Variants in DLGAP3 observed in about 807,000 individuals in gnomAD.
DLGAP3 encodes DLG associated protein 3.
In DLGAP3, 17 loss-of-function variants were observed where a neutral mutation model predicts 81.2. That is an observed-to-expected ratio of 0.21 (90% confidence interval 0.14 to 0.31). The LOEUF (loss-of-function observed/expected upper bound fraction) is 0.31, where lower values mean the gene tolerates loss of function less well. Ranked by LOEUF, DLGAP3 falls within the 10% of genes least tolerant of loss-of-function variation. DLGAP3 has a pLI of 1.00. For missense variants in DLGAP3, 1,124 were observed against 1,388.0 expected (o/e 0.81, Z 3.02); for synonymous variants, 577 against 587.4 (o/e 0.98, Z 0.26).
intron 1 of DLGAP3, among the ~76,000 whole-genome samples, chr1:34,925,747 C>T (rs2148422739): frequency 6.6e-6 from 1 of 152,234 alleles, no homozygotes; most frequent in East Asian, 1.9e-4. Context: ...GAAGCAGGGG[C>T]CTTTGGGAGC....
At chr1:34,886,802 T>TACTACATATATACTACATATATAC (rs1639238805) in intron 5 of DLGAP3, among the ~76,000 whole-genome samples, 1 of 150,938 alleles carries the variant, frequency 6.6e-6, no homozygotes, top group African/African-American at 2.4e-5. Flanking sequence ...ACTATATATA[T>TACTACATATATACTACATATATAC]ACTACATATA....
Position 34,900,098 on chromosome 1 carries a change from C to G in DLGAP3, c.1283G>C (p.Arg428Pro). 6.2e-7 allele frequency: 1 copy of G among 1,613,718 alleles called. No homozygotes were observed. The highest frequency in any genetic ancestry group is 1.1e-5 in the South Asian group (1 of 91,080). Residue 428 changes from arginine to proline, a missense_variant, in exon 4 of 12, where the codon CGC becomes CCC. Arg to Pro is a moderately radical substitution (Grantham distance 103). Coordinates refer to ENST00000373347, the MANE Select transcript of DLGAP3 (RefSeq NM_001080418.3). The surrounding 1 kb of genome is among the most constrained non-coding windows in gnomAD (Gnocchi z 5.6). ...KAVARRFTTR[R>P]SSSVDQARIN... ...CCTGGCCTGGTCCACGCTGGAGGAG[C>G]GACGGGTGGTGAAGCGTCGGGCGAC...
At chr1:34,905,516 C>A in intron 2 of DLGAP3, 82 bp from the exon 3 acceptor site, 1 of 936,172 alleles carries the variant, frequency 1.1e-6, no homozygotes. Flanking sequence ...TCCTTGTATC[C>A]CTTTAGGTAA....
At chr1:34,905,488 A>G in intron 2 of DLGAP3, 54 bp from the exon 3 acceptor site, 2 of 1,265,118 alleles carry the variant, frequency 1.6e-6, no homozygotes, top group Non-Finnish European at 2.1e-6. Flanking sequence ...TTCACCTAAA[A>G]CCATCTTTTA....
intron 3 of DLGAP3, among the ~76,000 whole-genome samples, chr1:34,903,592 G>A (rs558241782): frequency 6.6e-6 from 1 of 152,046 alleles, no homozygotes; most frequent in Admixed American, 6.6e-5. Context: ...CCATAAATGT[G>A]GTAAGACAAG....
intron 5 of DLGAP3, among the ~76,000 whole-genome samples, chr1:34,898,912 G>T (rs932104905): frequency 6.2e-5 from 9 of 145,836 alleles, no homozygotes; most frequent in African/African-American, 2.2e-4. Flanking sequence ...AAAAACCCCT[G>T]CAAAATAACT....
At chr1:34,899,868 A>G in intron 4 of DLGAP3, 127 bp from the exon 5 acceptor site, 1 of 1,006,186 alleles carries the variant, frequency 9.9e-7, no homozygotes, top group South Asian at 1.4e-5. Context: ...ATCCCTTAGG[A>G]GACCCTGGGT....
rs202022852 is a variant in DLGAP3 at position 34,899,734 on chromosome 1, C to T, written c.1321G>A (p.Val441Ile). Residue 441 changes from valine to isoleucine, a missense_variant, in exon 5 of 12, where the codon GTC (valine) becomes ATC (isoleucine). Physicochemically the swap from Val to Ile is conservative, Grantham distance 29. This residue lies in a region of DLGAP3 where 357 missense variants were observed against 408.8 expected (regional missense o/e 0.87). Coordinates refer to ENST00000373347, the MANE Select transcript of DLGAP3 (RefSeq NM_001080418.3). The stretch of plus-strand genomic sequence containing the variant: ...CTCCGGGGGTGGATCCGGGGTGGGA[C>T]ACAGCAGCTGGAAAAGGGCAAAATT... ...SVDQARINCC[V>I]PPRIHPRSSI... is the part of the protein sequence containing the mutation. 61 of 1,613,876 alleles carry T rather than the reference C, an allele frequency of 3.8e-5. No homozygotes were observed. The African/African-American group carries it at 7.1e-4, about 19-fold the overall frequency.
chr1:34,885,831 G>A (rs889403056), intron 6 of DLGAP3, 40 bp from the exon 7 acceptor site: 2 of 1,381,002 alleles, frequency 1.4e-6, no homozygotes, highest in East Asian at 2.6e-5. Flanking sequence ...GGTGAGGCTC[G>A]CGGCCCTGCC....
At chr1:34,885,208 C>A in intron 7 of DLGAP3, 145 bp from the exon 8 acceptor site, 1 of 868,406 alleles carries the variant, frequency 1.2e-6, no homozygotes, top group Non-Finnish European at 1.8e-6. Context: ...GAGACCCAGG[C>A]GGTCGGTCAC....
intron 2 of DLGAP3, among the ~76,000 whole-genome samples, chr1:34,906,831 A>G (rs1017901949): frequency 6.6e-6 from 1 of 152,204 alleles, no homozygotes; most frequent in Non-Finnish European, 1.5e-5. Flanking sequence ...GCTACAGGAC[A>G]GAGAGGTCAG....
chr1:34,913,570 A>G (rs537918772), intron 1 of DLGAP3, among the ~76,000 whole-genome samples: 15 of 152,000 alleles, frequency 9.9e-5, no homozygotes, highest in Admixed American at 2.0e-4. Flanking sequence ...CTTTGAAATT[A>G]TTTTCTTTGT....
In DLGAP3 at chr1:34,867,906, C is replaced by T. The variant is rs1329314562; in HGVS notation, c.2486-279G>A. ...CCTTTCTCCCTCCCGTATCAGAGAA[C>T]AGACGGAAACCAGCCCCAGCCTAGC... On this transcript the variant is annotated intron_variant, in intron 9 of 11. Transcript: ENST00000373347. This position sits in a 1 kb window ranked among gnomAD's most constrained non-coding sequence, Gnocchi z 4.3. Among the ~76,000 whole-genome samples the T allele has an allele frequency of 6.6e-6, 1 of 152,160 alleles. No homozygotes were observed. Among genetic ancestry groups the T allele is most frequent in the African/African-American group, 2.4e-5 (1 of 41,418 alleles).
In DLGAP3 at chr1:34,885,460, C is replaced by A. The variant is rs1306517335; in HGVS notation, c.1914+18G>T. 2 of 1,604,080 alleles carry A rather than the reference C, an allele frequency of 1.2e-6. No individual in the cohort carries two copies. The highest frequency in any genetic ancestry group is 1.7e-5 in the Admixed American group (1 of 59,874). ...CGACCAGGGTCAGAGCCCTCGTGGG[C>A]GCCTCCCCGTTCCATACCTGCACCC... On this transcript the variant is annotated intron_variant, in intron 7 of 11. Transcript: ENST00000373347.
chr1:34,885,334 G>A (rs1639203591), intron 7 of DLGAP3, 144 bp downstream of exon 7: 3 of 955,716 alleles, frequency 3.1e-6, no homozygotes, highest in African/African-American at 3.2e-5. Flanking sequence ...GAGCAGCCCC[G>A]TCGATGTCCA....
At chr1:34,886,942 T>TA (rs1639242276) in intron 5 of DLGAP3, among the ~76,000 whole-genome samples, 4 of 133,440 alleles carry the variant, frequency 3.0e-5, no homozygotes, top group Admixed American at 8.1e-5. Flanking sequence ...TCCCCCACCT[T>TA]CTTTTTTTTT....
Position 34,867,421 on chromosome 1 carries a change from G to T in DLGAP3, c.2577+115C>A. 9.2e-7 allele frequency: 1 copy of T among 1,087,274 alleles called. No individual in the cohort carries two copies. The highest frequency in any genetic ancestry group is 1.4e-6 in the Non-Finnish European group (1 of 702,796). 67.4% of individuals were successfully genotyped at this position (1,087,274 alleles called of 1,614,324 possible). On this transcript the variant is annotated intron_variant, in intron 10 of 11. Coordinates refer to ENST00000373347, the MANE Select transcript of DLGAP3 (RefSeq NM_001080418.3). The surrounding 1 kb of genome is among the most constrained non-coding windows in gnomAD (Gnocchi z 4.3). ...CACAGCTACCCCAGAAGGCATGCAG[G>T]CCTGGTCTCACCTCTGGTACACACT... is the stretch of plus-strand genomic sequence containing the variant.
intron 5 of DLGAP3, among the ~76,000 whole-genome samples, chr1:34,889,943 A>AAAGGAGGAAGGC (rs1437812869): frequency 6.6e-6 from 1 of 152,192 alleles, no homozygotes; most frequent in African/African-American, 2.4e-5. Context: ...CCACTTGGGC[A>AAAGGAGGAAGGC]TAGGAGGAAG....
In DLGAP3 at chr1:34,867,706, G is replaced by A. The variant is rs893551648; in HGVS notation, c.2486-79C>T. The A allele has an allele frequency of 1.2e-5, 14 of 1,203,916 alleles. No individual in the cohort carries two copies. The highest frequency in any genetic ancestry group is 7.4e-5 in the African/African-American group (5 of 67,410). The allele number at this position is 1,203,916 out of a possible 1,614,324, so 74.6% of individuals were successfully genotyped here. A position where few individuals can be genotyped will look rare whatever the true frequency, so the allele number is the denominator to read the frequency against. On this transcript the variant is annotated intron_variant, in intron 9 of 11. Coordinates refer to ENST00000373347, the MANE Select transcript of DLGAP3 (RefSeq NM_001080418.3). The surrounding 1 kb of genome is among the most constrained non-coding windows in gnomAD (Gnocchi z 4.3). The stretch of plus-strand genomic sequence containing the variant: ...CTCCACGAAGTCTGCCCTGAATGAC[G>A]CTGACCCCTCGGTTGCTTGGCACTG...
Sources: gnomAD v4.1 joint callset for allele counts (sites outside exome capture counted in the v4.1 genomes callset) on GRCh38, gnomAD v4.1.1 for gene constraint, gnomAD v4.1.1 regional missense constraint, Gnocchi (gnomAD v3.1) non-coding constraint, MANE v1.5 for transcripts, NCBI Gene and HGNC (gene_info 2026-07-23, HGNC 2026-07-21) for gene names.